CNBD2: variants seen among roughly 807,000 people sequenced by gnomAD.
CNBD2 encodes cyclic nucleotide binding domain containing 2, also known as cyclic nucleotide-binding domain-containing protein 2.
CNBD2 carries 64 observed loss-of-function variants against 63.7 expected under a neutral mutation model. The ratio of observed to expected loss-of-function variants is 1.00; its 90% CI spans 0.82 to 1.24. CNBD2 has a LOEUF of 1.24. CNBD2 is among the 50% of genes most tolerant of loss of function. CNBD2 has a pLI of 0.00. For missense variants in CNBD2, 691 were observed against 713.5 expected, an observed-to-expected ratio of 0.97 and a Z score of 0.36; for synonymous variants, 229 against 255.4, an observed-to-expected ratio of 0.90 and a Z score of 0.99.
At chr20:36,000,860 AG>A (rs1171667834) in intron 8 of CNBD2, among the ~76,000 whole-genome samples, 3 of 151,498 alleles carry the variant, frequency 2.0e-5, no homozygotes. Flanking sequence ...AAGTGAACAA[AG>A]GTCTCTGGTT....
At chr20:35,954,565 G>T, upstream of CNBD2, 1 of 1,473,714 alleles carries the variant, frequency 6.8e-7, no homozygotes, top group East Asian at 2.9e-5. Context: ...GCGCCCTCTA[G>T]CGTTCTCGAG....
At chr20:35,970,324 C>T (rs1303978767) in intron 1 of CNBD2, among the ~76,000 whole-genome samples, 2 of 152,100 alleles carry the variant, frequency 1.3e-5, no homozygotes, top group Non-Finnish European at 2.9e-5. Context: ...GTATATTTTT[C>T]CAGTCTGTAG....
At chr20:36,010,781 AAAAAG>A (rs2057048114) in intron 9 of CNBD2, among the ~76,000 whole-genome samples, 1 of 152,108 alleles carries the variant, frequency 6.6e-6, no homozygotes, top group African/African-American at 2.4e-5. Flanking sequence ...AAAGAAAAAA[AAAAAG>A]AAAGAAATTC....
intron 7 of CNBD2, among the ~76,000 whole-genome samples, chr20:35,991,789 T>C (rs1233787510): frequency 6.6e-6 from 1 of 152,168 alleles, no homozygotes; most frequent in African/African-American, 2.4e-5. Flanking sequence ...ACATGCTTAC[T>C]CAGTGAGCAT....
intron 4 of CNBD2, among the ~76,000 whole-genome samples, chr20:35,982,908 T>C (rs2056615835): frequency 6.6e-6 from 1 of 152,034 alleles, no homozygotes; most frequent in Admixed American, 6.5e-5. Flanking sequence ...AGATGAGGTT[T>C]CACCTTGTTG....
At chr20:36,025,199 T>C (rs2147375891) in intron 11 of CNBD2, among the ~76,000 whole-genome samples, 1 of 152,314 alleles carries the variant, frequency 6.6e-6, no homozygotes, top group Admixed American at 6.5e-5. Context: ...TATGCCTTTA[T>C]AAAACACTTA....
intron 6 of CNBD2, among the ~76,000 whole-genome samples, chr20:35,986,595 G>A (rs973952183): frequency 3.9e-5 from 6 of 152,132 alleles, no homozygotes; most frequent in East Asian, 1.9e-4. Flanking sequence ...TCAGACCTTC[G>A]TCCCTGACAT....
At chr20:35,988,268 G>A (rs2056696176) in intron 7 of CNBD2, among the ~76,000 whole-genome samples, 1 of 152,190 alleles carries the variant, frequency 6.6e-6, no homozygotes, top group African/African-American at 2.4e-5. Flanking sequence ...CTGGGTTCAA[G>A]TGATTCTCCT....
At chr20:36,029,187 G>T (rs992485093) in intron 11 of CNBD2, among the ~76,000 whole-genome samples, 14 of 152,108 alleles carry the variant, frequency 9.2e-5, no homozygotes, top group African/African-American at 2.9e-4. Flanking sequence ...TATCCCCTAA[G>T]AATTAGTCAT....
chr20:35,970,032 T>G (rs539004614), intron 1 of CNBD2, among the ~76,000 whole-genome samples: 1 of 152,352 alleles, frequency 6.6e-6, no homozygotes, highest in Admixed American at 6.5e-5. Context: ...GGCTCATGCC[T>G]GTAATCCCAG....
intron 2 of CNBD2, among the ~76,000 whole-genome samples, chr20:35,975,281 G>T (rs2056491348): frequency 1.5e-5 from 2 of 131,460 alleles, no homozygotes; most frequent in Middle Eastern, 4.1e-3. Flanking sequence ...GATTACAGGC[G>T]TGAGCCACCG....
At chr20:35,970,115 C>A (rs2056391943) in intron 1 of CNBD2, among the ~76,000 whole-genome samples, 1 of 152,114 alleles carries the variant, frequency 6.6e-6, no homozygotes, top group African/African-American at 2.4e-5. Flanking sequence ...CAAAGTGAAA[C>A]CCCCTCTTTA....
At chr20:35,975,903 G>A (rs767661599) in intron 2 of CNBD2, 46 bp from the exon 3 acceptor site, 4 of 1,560,482 alleles carry the variant, frequency 2.6e-6, no homozygotes, top group African/African-American at 2.7e-5. Flanking sequence ...AGTTCTAGGG[G>A]CAGTCTTGCT....
intron 8 of CNBD2, among the ~76,000 whole-genome samples, chr20:36,000,423 C>G (rs2056880382): frequency 6.6e-6 from 1 of 152,134 alleles, no homozygotes. Flanking sequence ...GTTACGCAGG[C>G]TGGAGTGCAA....
At chr20:36,002,066 A>C (rs1053076397) in intron 8 of CNBD2, among the ~76,000 whole-genome samples, 10 of 152,196 alleles carry the variant, frequency 6.6e-5, no homozygotes, top group Admixed American at 5.9e-4. Flanking sequence ...TGGAGGTTGT[A>C]GTGAGCTGAG....
chr20:36,019,339 A>G (rs2057176217), intron 10 of CNBD2, among the ~76,000 whole-genome samples: 2 of 151,922 alleles, frequency 1.3e-5, no homozygotes, highest in Non-Finnish European at 2.9e-5. Context: ...AGCCTGGGCA[A>G]CATGATGAAA....
chr20:35,980,480 A>G lies in CNBD2; in HGVS notation c.265A>G (p.Ile89Val), dbSNP rs1304864452. 2 of 1,614,200 alleles carry G rather than the reference A, an allele frequency of 1.2e-6. No homozygotes were observed. The highest frequency in any genetic ancestry group is 1.7e-6 in the Non-Finnish European group (2 of 1,180,034). ...CCAGGGTCACTTTCCTCCAAAGGCC[A>G]TTCAGATCATGCAGAAGAAGCCTTC... The part of the protein sequence containing the change: ...AEEGHFPPKA[I>V]QIMQKKPSWR... Residue 89 changes from isoleucine (I) to valine (V), a missense_variant, in exon 4 of 12, where the codon ATT becomes GTT. Transcript: ENST00000373973.
intron 10 of CNBD2, among the ~76,000 whole-genome samples, chr20:36,014,229 A>G (rs1366262313): frequency 4.6e-5 from 7 of 151,554 alleles, no homozygotes; most frequent in Admixed American, 4.6e-4. Context: ...GAAACATACA[A>G]CTGTTTTGCT....
rs371011889 is a variant in CNBD2, at chr20:35,978,579, C to T, written c.244-1880C>T. On this transcript the variant is annotated intron_variant, in intron 3 of 11. Coordinates refer to ENST00000373973, the MANE Select transcript of CNBD2 (RefSeq NM_001365709.1). ...CAGGGTAGTCTTGATCTCCTGACCTCGTGATCCGTCCGCCTTGGCCTCCCA... is the reference window on the plus strand; with the variant it reads ...CAGGGTAGTCTTGATCTCCTGACCTTGTGATCCGTCCGCCTTGGCCTCCCA... Among the ~76,000 whole-genome samples the T allele has an allele frequency of 1.6e-4, 24 of 152,306 alleles. No homozygotes were observed. The East Asian group carries it at 2.5e-3, about 16-fold the overall frequency.
Sources: allele counts gnomAD v4.1 joint callset (sites outside exome capture counted in the v4.1 genomes callset), GRCh38; gene constraint gnomAD v4.1.1; transcripts MANE v1.5; gene names NCBI Gene and HGNC (gene_info 2026-07-23, HGNC 2026-07-21).